VTA1: variants seen among roughly 807,000 people sequenced by gnomAD.
VTA1 encodes the protein vesicle trafficking 1.
Under a neutral mutation model 36.9 loss-of-function variants are expected in VTA1, and 24 were observed. That is an observed-to-expected ratio of 0.65 (90% CI 0.47 to 0.91). The LOEUF is 0.91. VTA1 is among the 40% of genes least tolerant of loss of function. The pLI is 0.00. For missense variants in VTA1, 393 were observed against 377.2 expected (o/e 1.04, Z -0.35); for synonymous variants, 142 against 130.2 (o/e 1.09, Z -0.62).
intron 1 of VTA1, among the ~76,000 whole-genome samples, chr6:142,159,727 A>C (rs896854649): frequency 4.6e-5 from 7 of 151,422 alleles, no homozygotes; most frequent in Non-Finnish European, 1.0e-4. Context: ...GTTGGCCAGG[A>C]TGGTCTCGAT....
intron 1 of VTA1, among the ~76,000 whole-genome samples, chr6:142,158,090 A>C (rs754290969): frequency 6.6e-6 from 1 of 151,174 alleles, no homozygotes; most frequent in African/African-American, 2.4e-5. Flanking sequence ...ATAATTGAAA[A>C]TCTAAATACC....
At chr6:142,186,613 C>T (rs1562263612) in intron 4 of VTA1, among the ~76,000 whole-genome samples, 2 of 152,060 alleles carry the variant, frequency 1.3e-5, no homozygotes, top group South Asian at 2.1e-4. Context: ...AATGACTCCT[C>T]CCATTTACTT....
intron 5 of VTA1, among the ~76,000 whole-genome samples, chr6:142,194,969 C>G (rs1775518720): frequency 6.6e-6 from 1 of 152,022 alleles, no homozygotes; most frequent in African/African-American, 2.4e-5. Context: ...GTTGAACCAA[C>G]CCTGCACTCA....
At chr6:142,173,246 CTAAA>C (rs1427033339) in intron 4 of VTA1, among the ~76,000 whole-genome samples, 1 of 152,124 alleles carries the variant, frequency 6.6e-6, no homozygotes, top group Non-Finnish European at 1.5e-5. Flanking sequence ...AGAGAGATGA[CTAAA>C]TAAATACCCT....
At chr6:142,190,325 T>A (rs1186849913) in intron 5 of VTA1, among the ~76,000 whole-genome samples, 1 of 152,212 alleles carries the variant, frequency 6.6e-6, no homozygotes, top group Non-Finnish European at 1.5e-5. Context: ...TTAGTTTTTT[T>A]TGTGTATCTT....
intron 1 of VTA1, among the ~76,000 whole-genome samples, chr6:142,161,212 C>T (rs574640576): frequency 1.0e-3 from 158 of 151,738 alleles, no homozygotes; most frequent in African/African-American, 3.8e-3. Flanking sequence ...TAATACTAAC[C>T]ATATAGAAAA....
chr6:142,189,300 T>A, intron 4 of VTA1, 126 bp from the exon 5 acceptor site: 1 of 679,170 alleles, frequency 1.5e-6, no homozygotes, highest in African/African-American at 1.8e-5. Flanking sequence ...GTATTGCCAG[T>A]TTCTTTTAGA....
chr6:142,213,236 C>T (rs1775937015), intron 7 of VTA1, among the ~76,000 whole-genome samples: 1 of 152,220 alleles, frequency 6.6e-6, no homozygotes, highest in South Asian at 2.1e-4. Flanking sequence ...CTGAAGCCCA[C>T]CAGGAAAGTC....
At chr6:142,170,292 C>A in intron 3 of VTA1, 54 bp from the exon 4 acceptor site, 1 of 1,352,638 alleles carries the variant, frequency 7.4e-7, no homozygotes, top group Admixed American at 1.9e-5. Flanking sequence ...AATGACAAAA[C>A]TACATTTTAA....
rs73574204 is a variant in VTA1 at position 142,172,922 on chromosome 6, C to A, written c.411+2501C>A. On this transcript the variant is annotated intron_variant, in intron 4 of 7. Transcript: ENST00000367630. ...CTTGGGGTGCTTTGTATAATAGGAG[C>A]CTGTACAATGAACTGAAGTGAGGGA... Among the ~76,000 whole-genome samples the A allele has an allele frequency of 8.6e-3, 1,300 of 150,984 alleles. 20 individuals are homozygous for A. Among genetic ancestry groups the A allele is most frequent in the African/African-American group, 0.03 (1,233 of 41,060 alleles).
At chr6:142,147,955 T>G (rs1778487496) in intron 1 of VTA1, among the ~76,000 whole-genome samples, 1 of 152,224 alleles carries the variant, frequency 6.6e-6, no homozygotes, top group Admixed American at 6.5e-5. Context: ...GAATTTTTAG[T>G]TTTGACTTCT....
intron 5 of VTA1, among the ~76,000 whole-genome samples, chr6:142,194,312 C>G (rs894878353): frequency 4.6e-5 from 7 of 151,896 alleles, no homozygotes; most frequent in African/African-American, 1.4e-4. Context: ...TTCAGTTTCT[C>G]TTTTTTAGAA....
intron 7 of VTA1, among the ~76,000 whole-genome samples, chr6:142,204,430 T>C (rs547860783): frequency 1.3e-5 from 2 of 152,308 alleles, no homozygotes; most frequent in East Asian, 3.9e-4. Context: ...ATCTACACTG[T>C]TATTAAATTA....
intron 1 of VTA1, among the ~76,000 whole-genome samples, chr6:142,164,532 A>C (rs1019127864): frequency 2.6e-5 from 4 of 152,210 alleles, no homozygotes; most frequent in Non-Finnish European, 5.9e-5. Flanking sequence ...AAAACCATTA[A>C]AATTAAAAAC....
At chr6:142,196,887 CCT>C (rs895835029) in intron 5 of VTA1, among the ~76,000 whole-genome samples, 5 of 152,148 alleles carry the variant, frequency 3.3e-5, no homozygotes, top group African/African-American at 7.2e-5. Flanking sequence ...ACTTTGTCCC[CCT>C]GTTTCAGCTT....
At chr6:142,185,928 A>G (rs992802052) in intron 4 of VTA1, among the ~76,000 whole-genome samples, 10 of 152,242 alleles carry the variant, frequency 6.6e-5, no homozygotes, top group African/African-American at 2.2e-4. Flanking sequence ...CTTGGTATAA[A>G]CAACAGATAG....
chr6:142,211,423 G>T (rs989488742), intron 7 of VTA1, among the ~76,000 whole-genome samples: 19 of 152,106 alleles, frequency 1.2e-4, no homozygotes, highest in African/African-American at 3.9e-4. Flanking sequence ...AAATGATAAC[G>T]CAGATTTCAT....
chr6:142,201,449 T>C (rs1035423237), intron 6 of VTA1, among the ~76,000 whole-genome samples: 5 of 151,954 alleles, frequency 3.3e-5, no homozygotes, highest in African/African-American at 7.2e-5. Flanking sequence ...GGATAGTGAT[T>C]GTTTAAACAG....
At chr6:142,194,804 G>A (rs2114670041) in intron 5 of VTA1, among the ~76,000 whole-genome samples, 1 of 152,176 alleles carries the variant, frequency 6.6e-6, no homozygotes, top group East Asian at 1.9e-4. Context: ...TTTGCCCTAT[G>A]TGATACTGAG....
Sources: gnomAD v4.1 joint callset for allele counts (sites outside exome capture counted in the v4.1 genomes callset) on GRCh38, gnomAD v4.1.1 for gene constraint, MANE v1.5 for transcripts, NCBI Gene and HGNC (gene_info 2026-07-23, HGNC 2026-07-21) for gene names.